The following DPY19L2 variants were observed in gnomAD, a reference collection of about 807,000 sequenced individuals.
The protein encoded by DPY19L2 is dpy-19 like 2.
DPY19L2 carries 34 observed loss-of-function variants against 97.9 expected under a neutral mutation model. The ratio of observed to expected loss-of-function variants is 0.35; its 90% CI spans 0.26 to 0.46. The LOEUF (loss-of-function observed/expected upper bound fraction) is 0.46. Among genes scored for constraint, DPY19L2 ranks in the 20% least tolerant of loss-of-function variants. The pLI is 1.00. For missense variants in DPY19L2, 623 were observed against 911.4 expected, an observed-to-expected ratio of 0.68 and a Z score of 4.07; for synonymous variants, 230 against 307.9, an observed-to-expected ratio of 0.75 and a Z score of 2.65.
chr12:63,640,507 C>T (rs965117468), intron 6 of DPY19L2, among the ~76,000 whole-genome samples: 9 of 152,116 alleles, frequency 5.9e-5, no homozygotes, highest in African/African-American at 1.2e-4. Flanking sequence ...AGAATAGAAG[C>T]GGAATATCTA....
chr12:63,562,813 T>TC (rs1555178495), intron 21 of DPY19L2, among the ~76,000 whole-genome samples: 97 of 151,800 alleles, frequency 6.4e-4, no homozygotes, highest in African/African-American at 2.2e-3. Flanking sequence ...TTTTTTTTTT[T>TC]CTGAGACAAG....
chr12:63,665,634 G>A (rs147467068), intron 2 of DPY19L2, among the ~76,000 whole-genome samples: 1 of 152,098 alleles, frequency 6.6e-6, no homozygotes, highest in Non-Finnish European at 1.5e-5. Context: ...ATTCATAAGT[G>A]ACTATTCCCC....
intron 16 of DPY19L2, 143 bp downstream of exon 16, chr12:63,593,944 G>A (rs905740583): frequency 1.9e-6 from 1 of 513,964 alleles, no homozygotes; most frequent in African/African-American, 2.0e-5. Flanking sequence ...ATATTTTTAA[G>A]GAAACATTTA....
At chr12:63,610,652 C>T in intron 11 of DPY19L2, among the ~76,000 whole-genome samples, 1 of 150,496 alleles carries the variant, frequency 6.6e-6, no homozygotes. Flanking sequence ...AAACCTCGAA[C>T]CAGATGGCTT....
At chr12:63,605,820 T>C (rs1408185985) in intron 12 of DPY19L2, among the ~76,000 whole-genome samples, 1 of 152,202 alleles carries the variant, frequency 6.6e-6, no homozygotes, top group African/African-American at 2.4e-5. Flanking sequence ...CTCATATAGA[T>C]AGACTATCCC....
intron 21 of DPY19L2, among the ~76,000 whole-genome samples, chr12:63,563,713 G>C (rs1274720230): frequency 6.6e-6 from 1 of 152,010 alleles, no homozygotes; most frequent in Non-Finnish European, 1.5e-5. Flanking sequence ...AATTTTGATT[G>C]GTTGTTTCCT....
intron 6 of DPY19L2, among the ~76,000 whole-genome samples, chr12:63,642,192 G>C (rs1271887835): frequency 6.6e-6 from 1 of 152,000 alleles, no homozygotes; most frequent in Non-Finnish European, 1.5e-5. Context: ...AGTGCTCCTG[G>C]TCACAACAGT....
intron 6 of DPY19L2, among the ~76,000 whole-genome samples, chr12:63,641,889 A>T (rs1267188715): frequency 1.3e-5 from 2 of 152,162 alleles, no homozygotes; most frequent in African/African-American, 4.8e-5. Context: ...ACTGTTTACC[A>T]AAATAGTTGT....
In DPY19L2 at chr12:63,640,233, G is replaced by A. The variant is rs1201821437; in HGVS notation, c.803+4170C>T. On this transcript the variant is annotated intron_variant, in intron 6 of 21. Transcript: ENST00000324472. ...GGGGGAAGAAGGAGGGATAGCATTA[G>A]GAGATATACCTAATGTAAATGACGA... Among the ~76,000 whole-genome samples, 4 of 152,140 alleles carry A rather than the reference G, an allele frequency of 2.6e-5. No homozygotes were observed. The South Asian group carries it at 8.3e-4, about 32-fold the overall frequency.
At chr12:63,613,391 T>C (rs1259439997) in intron 11 of DPY19L2, among the ~76,000 whole-genome samples, 1 of 152,026 alleles carries the variant, frequency 6.6e-6, no homozygotes, top group African/African-American at 2.4e-5. Flanking sequence ...AAAGAGAAAC[T>C]ATATGATATC....
chr12:63,580,960 A>G (rs892416854), intron 18 of DPY19L2, 124 bp from the exon 19 acceptor site: 13 of 980,508 alleles, frequency 1.3e-5, no homozygotes, highest in South Asian at 9.5e-5. Flanking sequence ...ACACATGTAT[A>G]CAGAATTATC....
intron 6 of DPY19L2, among the ~76,000 whole-genome samples, chr12:63,630,507 G>T (rs1229163293): frequency 6.6e-6 from 1 of 152,034 alleles, no homozygotes; most frequent in African/African-American, 2.4e-5. Flanking sequence ...AATTCAACAA[G>T]AAGAGCTAAC....
intron 6 of DPY19L2, among the ~76,000 whole-genome samples, chr12:63,634,396 G>C (rs1367713087): frequency 2.0e-5 from 3 of 152,092 alleles, no homozygotes; most frequent in Non-Finnish European, 4.4e-5. Flanking sequence ...CAGAAGACGG[G>C]TGATTTCTGC....
At chr12:63,630,365 G>A (rs1017109091) in intron 6 of DPY19L2, among the ~76,000 whole-genome samples, 5 of 152,088 alleles carry the variant, frequency 3.3e-5, no homozygotes, top group Non-Finnish European at 7.4e-5. Context: ...TAAAGGGACA[G>A]AGGAAGATCT....
At chr12:63,651,234 C>A (rs538925367) in intron 4 of DPY19L2, among the ~76,000 whole-genome samples, 1 of 152,144 alleles carries the variant, frequency 6.6e-6, no homozygotes, top group Non-Finnish European at 1.5e-5. Context: ...CTTTCTTTTC[C>A]CCATACACAA....
At position 63,594,464 on chromosome 12, in the gene DPY19L2, AGTGTGT is replaced by A. The variant is rs539673870; in HGVS notation, c.1534-337_1534-332del. Among the ~76,000 whole-genome samples the A allele has an allele frequency of 4.8e-5, 6 of 125,022 alleles. No individual in the cohort carries two copies. The South Asian group carries it at 7.7e-4, about 16-fold the overall frequency. The allele number at this position is 125,022 out of a possible 152,430, so 82.0% of individuals were successfully genotyped here. ...CTGCAGGGATGAGAGAGAGAGAGAT[AGTGTGT>A]GTGTGTGTGTGTGTGTGTGTGTATG... On this transcript the variant is annotated intron_variant, in intron 15 of 21. Transcript: ENST00000324472.
At chr12:63,640,254 G>A (rs1398275305) in intron 6 of DPY19L2, among the ~76,000 whole-genome samples, 2 of 152,160 alleles carry the variant, frequency 1.3e-5, no homozygotes, top group Non-Finnish European at 2.9e-5. Flanking sequence ...TAATGTAAAT[G>A]ACGAGTTATT....
At chr12:63,622,567 T>C (rs1888861039) in intron 8 of DPY19L2, among the ~76,000 whole-genome samples, 1 of 152,150 alleles carries the variant, frequency 6.6e-6, no homozygotes, top group South Asian at 2.1e-4. Flanking sequence ...TGCATGGACG[T>C]GTGCAGTGTT....
chr12:63,568,449 AT>A (rs1169350778), intron 21 of DPY19L2, among the ~76,000 whole-genome samples: 1 of 152,048 alleles, frequency 6.6e-6, no homozygotes, highest in Non-Finnish European at 1.5e-5. Context: ...TGTATTTGTA[AT>A]AGTGGCTTTG....
Sources: gnomAD v4.1 joint callset for allele counts (sites outside exome capture counted in the v4.1 genomes callset) on GRCh38, gnomAD v4.1.1 for gene constraint, MANE v1.5 for transcripts, NCBI Gene and HGNC (gene_info 2026-07-23, HGNC 2026-07-21) for gene names.